SYNE2: variants seen among roughly 807,000 people sequenced by gnomAD.
SYNE2 encodes the protein nesprin-2.
In SYNE2, 431 loss-of-function variants were observed where a neutral mutation model predicts 856.3. The observed-to-expected ratio is 0.50, with a 90% confidence interval of 0.47 to 0.55. SYNE2 has a LOEUF of 0.55. Among genes scored for constraint, SYNE2 ranks in the 20% least tolerant of loss-of-function variants. The probability of loss-of-function intolerance (pLI) is 0.00; values close to 1 mark genes in which losing one functional copy is unlikely to be tolerated. For missense variants in SYNE2, 8,129 were observed against 8,023.2 expected (o/e 1.01, Z -0.50); for synonymous variants, 2,923 against 2,872.3 (o/e 1.02, Z -0.56).
At chr14:63,942,908 G>C (rs1166142921) in intron 6 of SYNE2, among the ~76,000 whole-genome samples, 1 of 152,204 alleles carries the variant, frequency 6.6e-6, no homozygotes, top group East Asian at 1.9e-4. Context: ...AGGGATTACA[G>C]GCATGAGCCA....
intron 63 of SYNE2, chr14:64,099,613 AG>A (rs1478889376): frequency 1.3e-5 from 2 of 152,272 alleles, no homozygotes; most frequent in Non-Finnish European, 2.9e-5. Context: ...TGGAGGGACC[AG>A]GGGCCAAAAA....
intron 6 of SYNE2, among the ~76,000 whole-genome samples, chr14:63,945,459 G>A (rs1423629304): frequency 1.3e-5 from 2 of 152,088 alleles, no homozygotes; most frequent in Admixed American, 6.5e-5. Context: ...TTTATATCAT[G>A]TCTGTGAGAT....
In SYNE2 at chr14:63,991,119, G is replaced by T; in HGVS notation, c.2646+4G>T. On this transcript the variant is annotated splice_donor_region_variant and intron_variant, in intron 21 of 115. Coordinates refer to ENST00000555002, the MANE Select transcript of SYNE2 (RefSeq NM_182914.3). ...TGAACTCATTTCAAAACACAAGGTG[G>T]GAATCTTTTCAACCATCAAATGTAG... 18 of 1,613,828 alleles carry T rather than the reference G, an allele frequency of 1.1e-5. No individual in the cohort carries two copies. The highest frequency in any genetic ancestry group is 1.4e-5 in the Non-Finnish European group (17 of 1,179,876).
rs112327840 is a variant in SYNE2 at position 63,776,032 on chromosome 14, T to C, written c.-305+14046T>C. 1.3e-3 allele frequency among the ~76,000 whole-genome samples: 204 copies of C among 152,290 alleles called. 2 individuals are homozygous for C. Among genetic ancestry groups the C allele is most frequent in the African/African-American group, 4.7e-3 (194 of 41,568 alleles). On this transcript the variant is annotated intron_variant, in intron 1 of 23. Coordinates refer to the SYNE2 transcript ENST00000674003. ...TTTTTCATTTAAATAGCATCTTAAT[T>C]CACTGGAGACTTTAAATGAATGTTT...
At chr14:64,183,101 G>T (rs9888629) in intron 96 of SYNE2, among the ~76,000 whole-genome samples, 6 of 139,998 alleles carry the variant, frequency 4.3e-5, no homozygotes, top group African/African-American at 1.8e-4. Context: ...CGGGCGGAGG[G>T]GCTCCTCACT....
chr14:63,980,110 C>G (rs1028571557), intron 14 of SYNE2, among the ~76,000 whole-genome samples: 1 of 151,972 alleles, frequency 6.6e-6, no homozygotes, highest in African/African-American at 2.4e-5. Flanking sequence ...TTTCATTTTT[C>G]TATTTAAATA....
At position 63,958,860 on chromosome 14, in the gene SYNE2, C is replaced by T. The variant is rs534323709; in HGVS notation, c.788-2665C>T. Among the ~76,000 whole-genome samples, 199 of 152,288 alleles carry T rather than the reference C, an allele frequency of 1.3e-3. 1 individual carries two copies. Among genetic ancestry groups the T allele is most frequent in the African/African-American group, 4.5e-3 (186 of 41,556 alleles). On this transcript the variant is annotated intron_variant, in intron 8 of 115. Coordinates refer to ENST00000555002, the MANE Select transcript of SYNE2 (RefSeq NM_182914.3). ...TCTTAGTTGTAATGCAATACTACTT[C>T]GTTTATTTTAATGGTCAATTTTTTA... is the stretch of plus-strand genomic sequence containing the variant.
In SYNE2 at chr14:63,931,772, T is replaced by TC. The variant is rs533031580; in HGVS notation, c.80-8840dup. Among the ~76,000 whole-genome samples the TC allele has an allele frequency of 1.5e-3, 233 of 152,212 alleles. 7 individuals carry two copies. The South Asian group carries it at 0.047, about 30-fold the overall frequency. On this transcript the variant is annotated intron_variant, in intron 2 of 115. Transcript: ENST00000555002. ...AAACACAAAAGCACAAAGGTTTAAC[T>TC]CCAAGTTCTCATGTTGAGTAGGAGG...
At chr14:64,220,301 C>G (rs1339654366) in intron 110 of SYNE2, 136 bp from the exon 111 acceptor site, 9 of 989,120 alleles carry the variant, frequency 9.1e-6, no homozygotes, top group Non-Finnish European at 1.4e-5. Context: ...CCAGCCAGTC[C>G]CAGGCGAGGT....
intron 1 of SYNE2, among the ~76,000 whole-genome samples, chr14:63,766,225 C>T (rs1886680204): frequency 6.6e-6 from 1 of 151,810 alleles, no homozygotes; most frequent in Admixed American, 6.6e-5. Context: ...ATTACAGGTT[C>T]CTGCTATCAC....
chr14:64,222,911 C>T (rs1411552023), intron 112 of SYNE2, among the ~76,000 whole-genome samples: 1 of 152,148 alleles, frequency 6.6e-6, no homozygotes, highest in African/African-American at 2.4e-5. Context: ...CCTGGTCTTC[C>T]CACACCACTT....
intron 49 of SYNE2, among the ~76,000 whole-genome samples, chr14:64,056,730 G>T (rs2097273213): frequency 6.6e-6 from 1 of 151,708 alleles, no homozygotes; most frequent in Admixed American, 6.6e-5. Context: ...GAGTGCAGTG[G>T]CACGATCTTG....
chr14:64,221,441 C>T, intron 111 of SYNE2, 135 bp from the exon 112 acceptor site: 2 of 1,525,690 alleles, frequency 1.3e-6, no homozygotes, highest in Non-Finnish European at 1.8e-6. Flanking sequence ...TAGTTTAAAG[C>T]TGGTCCTCGT....
chr14:64,149,694 T>A (rs1259379364), intron 84 of SYNE2, among the ~76,000 whole-genome samples: 1 of 152,242 alleles, frequency 6.6e-6, no homozygotes, highest in African/African-American at 2.4e-5. Context: ...TAAAAATATT[T>A]AATGCTGGTT....
At chr14:64,171,844 CTGTT>C (rs1384396666) in intron 94 of SYNE2, among the ~76,000 whole-genome samples, 1 of 152,150 alleles carries the variant, frequency 6.6e-6, no homozygotes, top group East Asian at 1.9e-4. Context: ...CAGCATGACA[CTGTT>C]TGCTTGTTTT....
chr14:64,037,809 A>C (rs2097105865), intron 45 of SYNE2, among the ~76,000 whole-genome samples: 1 of 138,812 alleles, frequency 7.2e-6, no homozygotes, highest in Non-Finnish European at 1.6e-5. Flanking sequence ...GGCGCCCCTC[A>C]CCTCCCGGAC....
intron 95 of SYNE2, among the ~76,000 whole-genome samples, chr14:64,175,376 C>A (rs774881739): frequency 8.5e-5 from 13 of 152,102 alleles, no homozygotes; most frequent in Non-Finnish European, 1.8e-4. Flanking sequence ...TTTTATGAAA[C>A]AGGAAACATA....
intron 1 of SYNE2, among the ~76,000 whole-genome samples, chr14:63,816,427 A>G (rs1454342137): frequency 1.3e-5 from 2 of 152,160 alleles, no homozygotes; most frequent in Admixed American, 1.3e-4. Context: ...GGGAAGTGTC[A>G]TAAGAGGGAA....
At chr14:63,911,350 C>T (rs910045000) in intron 2 of SYNE2, among the ~76,000 whole-genome samples, 3 of 152,182 alleles carry the variant, frequency 2.0e-5, no homozygotes, top group African/African-American at 4.8e-5. Context: ...CTCCTCTGTT[C>T]TCCCGTAGTA....
Sources: allele counts gnomAD v4.1 joint callset (sites outside exome capture counted in the v4.1 genomes callset), GRCh38; gene constraint gnomAD v4.1.1; transcripts MANE v1.5; gene names NCBI Gene and HGNC (gene_info 2026-07-23, HGNC 2026-07-21).